PTPRJ: variants seen among roughly 807,000 people sequenced by gnomAD.
The protein encoded by PTPRJ is protein tyrosine phosphatase receptor type J, also known as receptor-type tyrosine-protein phosphatase eta.
A neutral mutation model predicts 141.3 loss-of-function variants in PTPRJ; 129 were observed. The ratio of observed to expected loss-of-function variants is 0.91; its 90% confidence interval spans 0.79 to 1.06. PTPRJ has a LOEUF of 1.06. Ranked by LOEUF, PTPRJ falls within the 50% of genes least tolerant of loss-of-function variation. The pLI is 0.00. For synonymous variants in PTPRJ, 610 were observed against 640.5 expected, an observed-to-expected ratio of 0.95 and a Z score of 0.72; for missense variants, 1,601 against 1,679.7, an observed-to-expected ratio of 0.95 and a Z score of 0.82.
At chr11:48,002,361 C>T (rs1290316830) in intron 1 of PTPRJ, among the ~76,000 whole-genome samples, 7 of 152,058 alleles carry the variant, frequency 4.6e-5, no homozygotes, top group Admixed American at 4.6e-4. Context: ...TGGTCTGGAA[C>T]TCCTGACCTC....
At chr11:48,161,005 A>C (rs1327832155) in intron 22 of PTPRJ, among the ~76,000 whole-genome samples, 1 of 151,822 alleles carries the variant, frequency 6.6e-6, no homozygotes, top group South Asian at 2.1e-4. Flanking sequence ...CTCTACAAAA[A>C]CAAAACCAAA....
Position 48,139,717 on chromosome 11 carries a change from C to G in PTPRJ, c.2384C>G (p.Thr795Ser), listed in dbSNP as rs752756734. ...FSTSYNISIT[T>S]VSCGKMAAPT... ...ACCTCGTACAACATCAGCATCACCA[C>G]TGTGTCCTGTGGAAAGATGGCAGCC... Residue 795 changes from threonine to serine, a missense_variant, in exon 11 of 25, where the codon ACT (threonine) becomes AGT (serine). Transcript: ENST00000418331. 59 of 1,614,066 alleles carry G rather than the reference C, an allele frequency of 3.7e-5. No individual in the cohort carries two copies. The highest frequency in any genetic ancestry group is 8.5e-7 in the Non-Finnish European group (1 of 1,180,048).
intron 1 of PTPRJ, among the ~76,000 whole-genome samples, chr11:48,034,033 CTG>C (rs1287710951): frequency 6.6e-6 from 1 of 152,236 alleles, no homozygotes; most frequent in African/African-American, 2.4e-5. Context: ...GGTGCTGACA[CTG>C]TTAACAGTTG....
chr11:48,135,034 T>A (rs1857058958), intron 8 of PTPRJ, among the ~76,000 whole-genome samples: 1 of 152,160 alleles, frequency 6.6e-6, no homozygotes, highest in African/African-American at 2.4e-5. Context: ...TTTATTGAGA[T>A]ATAATATACA....
intron 1 of PTPRJ, among the ~76,000 whole-genome samples, chr11:48,086,625 G>A (rs1307421404): frequency 6.6e-6 from 1 of 152,222 alleles, no homozygotes; most frequent in Non-Finnish European, 1.5e-5. Flanking sequence ...AGCCCAGGAT[G>A]ACAGCAGTGA....
intron 1 of PTPRJ, among the ~76,000 whole-genome samples, chr11:48,078,543 G>A (rs536783434): frequency 1.9e-4 from 29 of 152,174 alleles, no homozygotes; most frequent in Non-Finnish European, 3.7e-4. Flanking sequence ...AAGAGTAGGA[G>A]TGAGCGGGAT....
intron 18 of PTPRJ, 38 bp from the exon 19 acceptor site, chr11:48,153,758 G>T: frequency 1.5e-6 from 2 of 1,329,590 alleles, no homozygotes; most frequent in South Asian, 2.3e-5. Context: ...AATATTTGAA[G>T]ACTAAATAAA....
At chr11:48,059,686 G>A (rs1854866187) in intron 1 of PTPRJ, among the ~76,000 whole-genome samples, 1 of 152,202 alleles carries the variant, frequency 6.6e-6, no homozygotes, top group African/African-American at 2.4e-5. Flanking sequence ...ACAAGGTAGT[G>A]CACACTTCCA....
In PTPRJ at chr11:48,124,993, G is replaced by T; in HGVS notation, c.900G>T (p.Arg300=). Residue 300 remains arginine (R), a synonymous_variant, in exon 6 of 25, where the codon CGG becomes CGT. Coordinates refer to ENST00000418331, the MANE Select transcript of PTPRJ (RefSeq NM_002843.4). ...GLDASNTERS[R]AGSPTAPVHD... is the part of the protein sequence containing the mutation. ...ATGCCAGCAATACAGAGAGAAGCCGGGCAGGGAGCCCCACCGCCCCTGTGC... is the reference window on the plus strand; with the variant it reads ...ATGCCAGCAATACAGAGAGAAGCCGTGCAGGGAGCCCCACCGCCCCTGTGC... 2 of 1,614,002 alleles carry T rather than the reference G, an allele frequency of 1.2e-6. No individual in the cohort carries two copies. Among genetic ancestry groups the T allele is most frequent in the Non-Finnish European group, 8.5e-7 (1 of 1,179,992 alleles).
intron 9 of PTPRJ, 45 bp from the exon 10 acceptor site, chr11:48,136,958 C>T (rs767195917): frequency 1.3e-6 from 2 of 1,501,502 alleles, no homozygotes; most frequent in Non-Finnish European, 1.8e-6. Context: ...TGGAATTCTA[C>T]TTAATCTGTG....
intron 1 of PTPRJ, among the ~76,000 whole-genome samples, chr11:48,094,521 C>T (rs1466746108): frequency 6.6e-6 from 1 of 152,174 alleles, no homozygotes; most frequent in Non-Finnish European, 1.5e-5. Flanking sequence ...AGACATTAAC[C>T]TCTGCATGGG....
intron 1 of PTPRJ, among the ~76,000 whole-genome samples, chr11:48,032,051 C>T (rs1853998919): frequency 6.6e-6 from 1 of 152,186 alleles, no homozygotes. Flanking sequence ...CAGTGTCCAG[C>T]CCAGTGCCCA....
At position 47,980,641 on chromosome 11, in the gene PTPRJ, C is replaced by A; in HGVS notation, c.-272C>A. 1 of 984,170 alleles carries A rather than the reference C, an allele frequency of 1.0e-6. No individual in the cohort carries two copies. 61.0% of individuals were successfully genotyped at this position (984,170 alleles called of 1,614,324 possible). The stretch of plus-strand genomic sequence containing the variant: ...CGGGTAGCCGCGCGCTGGGGGTGGG[C>A]GCCGCTCGCTCCGCCCCGCGAAGCC... On this transcript the variant is annotated 5_prime_UTR_variant, in exon 1 of 25. Transcript: ENST00000418331.
At chr11:48,064,177 T>C (rs1465266048) in intron 1 of PTPRJ, among the ~76,000 whole-genome samples, 1 of 152,134 alleles carries the variant, frequency 6.6e-6, no homozygotes, top group Admixed American at 6.6e-5. Context: ...GTACACGGGC[T>C]CTTTTCCCCA....
At chr11:48,115,750 A>G (rs1856549571) in intron 3 of PTPRJ, among the ~76,000 whole-genome samples, 1 of 152,240 alleles carries the variant, frequency 6.6e-6, no homozygotes, top group Non-Finnish European at 1.5e-5. Flanking sequence ...GATATGCAAT[A>G]TAAAAAGATG....
chr11:48,132,814 C>T (rs1478677552), intron 8 of PTPRJ: 1 of 732,846 alleles, frequency 1.4e-6, no homozygotes, highest in Non-Finnish European at 1.7e-6. Context: ...GGGTTAAGCA[C>T]CGATAGTCAC....
chr11:48,065,939 G>A (rs998140445), intron 1 of PTPRJ, among the ~76,000 whole-genome samples: 1 of 152,220 alleles, frequency 6.6e-6, no homozygotes, highest in African/African-American at 2.4e-5. Flanking sequence ...ATAAGGAATT[G>A]TCACTCTTGA....
At chr11:48,084,822 T>A (rs1304847513) in intron 1 of PTPRJ, among the ~76,000 whole-genome samples, 1 of 152,192 alleles carries the variant, frequency 6.6e-6, no homozygotes, top group African/African-American at 2.4e-5. Context: ...GGGGATTGCC[T>A]TTTTCAGGTT....
rs370695384 is a variant in PTPRJ at position 48,146,454 on chromosome 11, G to A, written c.2912-422G>A. ...TTAGGGAGTCCCCACATCCTTCCCC[G>A]GTAAACAAATGGGTTTCCTGTCACC... is the stretch of plus-strand genomic sequence containing the variant. On this transcript the variant is annotated intron_variant, in intron 14 of 24. Coordinates refer to ENST00000418331, the MANE Select transcript of PTPRJ (RefSeq NM_002843.4). 2.8e-4 allele frequency among the ~76,000 whole-genome samples: 43 copies of A among 152,206 alleles called. No homozygotes were observed. The South Asian group carries it at 4.6e-3, about 16-fold the overall frequency.
Sources: allele counts gnomAD v4.1 joint callset (sites outside exome capture counted in the v4.1 genomes callset), GRCh38; gene constraint gnomAD v4.1.1; transcripts MANE v1.5; gene names NCBI Gene and HGNC (gene_info 2026-07-23, HGNC 2026-07-21).